MCF2L2: variants seen among roughly 807,000 people sequenced by gnomAD.
The protein encoded by MCF2L2 is probable guanine nucleotide exchange factor MCF2L2.
MCF2L2 carries 102 observed loss-of-function variants against 150.2 expected under a neutral mutation model. The ratio of observed to expected loss-of-function variants is 0.68; its 90% confidence interval spans 0.58 to 0.80. The LOEUF (loss-of-function observed/expected upper bound fraction) is 0.80, where lower values mean the gene tolerates loss of function less well. MCF2L2 is among the 30% of genes least tolerant of loss of function. MCF2L2 has a pLI of 0.00. For missense variants in MCF2L2, 1,256 were observed against 1,372.8 expected, an observed-to-expected ratio of 0.91 and a Z score of 1.34; for synonymous variants, 465 against 491.3, an observed-to-expected ratio of 0.95 and a Z score of 0.71.
rs1307091597 is a variant in MCF2L2 at position 183,289,105 on chromosome 3, T to C, written c.1776+15A>G. Reference sequence around the variant, plus strand: ...TTGTCAGGAAGTTCTATAAGTAAAATAAAGGTAATTTTACCTTGACTTCAA... The same window carrying C: ...TTGTCAGGAAGTTCTATAAGTAAAACAAAGGTAATTTTACCTTGACTTCAA... On this transcript the variant is annotated intron_variant, in intron 14 of 29. Transcript: ENST00000328913. 6.5e-7 allele frequency: 1 copy of C among 1,548,856 alleles called. No homozygotes were observed. The highest frequency in any genetic ancestry group is 1.4e-5 in the African/African-American group (1 of 73,650).
At chr3:183,383,478 G>A (rs946010060) in intron 2 of MCF2L2, among the ~76,000 whole-genome samples, 4 of 151,942 alleles carry the variant, frequency 2.6e-5, no homozygotes, top group South Asian at 4.1e-4. Context: ...CAGGTGATCC[G>A]CCCACCTCGG....
intron 15 of MCF2L2, chr3:183,254,499 C>A (rs1049558823): frequency 1.3e-5 from 2 of 152,134 alleles, no homozygotes; most frequent in Non-Finnish European, 2.9e-5. Context: ...CGCCCAGGTG[C>A]GGCAGGTAGG....
intron 3 of MCF2L2, among the ~76,000 whole-genome samples, chr3:183,365,312 T>C (rs6796739): frequency 0.31 from 47,797 of 151,928 alleles, 11,455 homozygotes; most frequent in African/African-American, 0.67. Context: ...GATCAACAAG[T>C]TTTTCTTTTC....
intron 1 of MCF2L2, among the ~76,000 whole-genome samples, chr3:183,407,953 G>A (rs1204575223): frequency 6.6e-6 from 1 of 152,148 alleles, no homozygotes; most frequent in Non-Finnish European, 1.5e-5. Flanking sequence ...TATGGGAGGT[G>A]CCAGTAAATT....
At chr3:183,312,463 A>G (rs1409581331) in intron 7 of MCF2L2, among the ~76,000 whole-genome samples, 1 of 152,206 alleles carries the variant, frequency 6.6e-6, no homozygotes, top group African/African-American at 2.4e-5. Flanking sequence ...AGCCTTACCC[A>G]TAAAGAAAGT....
chr3:183,203,517 G>A (rs1462216726), intron 25 of MCF2L2, among the ~76,000 whole-genome samples: 1 of 152,126 alleles, frequency 6.6e-6, no homozygotes, highest in Admixed American at 6.5e-5. Flanking sequence ...TCAGAAATAG[G>A]TCAATTGAAT....
intron 1 of MCF2L2, among the ~76,000 whole-genome samples, chr3:183,423,639 T>A (rs936065455): frequency 0.088 from 12,524 of 141,658 alleles, 581 homozygotes; most frequent in African/African-American, 0.1. Context: ...TTTGTTTTTT[T>A]TTTTTTTTTT....
At chr3:183,386,502 C>T (rs956670668) in intron 2 of MCF2L2, among the ~76,000 whole-genome samples, 2 of 152,248 alleles carry the variant, frequency 1.3e-5, no homozygotes, top group African/African-American at 4.8e-5. Context: ...AACACATGCA[C>T]AGTTCAGCAG....
Position 183,179,782 on chromosome 3 carries a change from A to C in MCF2L2, c.3106-90T>G, listed in dbSNP as rs1721453333. ...GGTGGTGACTCCCGCTGGCAGGCTG[A>C]GGCCCACCCCAGCCCTCCCACCTGG... On this transcript the variant is annotated intron_variant, in intron 28 of 29. Transcript: ENST00000328913. This position sits in a 1 kb window ranked among gnomAD's most constrained non-coding sequence, Gnocchi z 4.2. The C allele has an allele frequency of 3.8e-5, 45 of 1,176,410 alleles. No individual in the cohort carries two copies. In the South Asian group the frequency reaches 5.9e-4, roughly 15 times the overall value. The allele number at this position is 1,176,410 out of a possible 1,614,324, so 72.9% of individuals were successfully genotyped here. A position where few individuals can be genotyped will look rare whatever the true frequency, so the allele number is the denominator to read the frequency against.
intron 2 of MCF2L2, among the ~76,000 whole-genome samples, chr3:183,385,296 G>A (rs1015563981): frequency 2.0e-5 from 3 of 152,060 alleles, no homozygotes; most frequent in Admixed American, 1.3e-4. Context: ...TCTAGATGTC[G>A]CCCCTTGGTT....
intron 25 of MCF2L2, among the ~76,000 whole-genome samples, chr3:183,201,709 C>G (rs113441844): frequency 6.6e-6 from 1 of 152,160 alleles, no homozygotes; most frequent in South Asian, 2.1e-4. Context: ...TGCCAGGTTT[C>G]AAAGGGAATA....
At chr3:183,393,356 G>A (rs1318014950) in intron 1 of MCF2L2, among the ~76,000 whole-genome samples, 4 of 151,958 alleles carry the variant, frequency 2.6e-5, no homozygotes, top group Non-Finnish European at 5.9e-5. Flanking sequence ...ACCACGCCCG[G>A]CTAATTTTGT....
intron 15 of MCF2L2, among the ~76,000 whole-genome samples, chr3:183,248,029 G>T (rs1156383393): frequency 6.6e-6 from 1 of 152,208 alleles, no homozygotes; most frequent in East Asian, 1.9e-4. Flanking sequence ...GACCCACACT[G>T]CTTTCCCTGC....
chr3:183,230,921 C>A, intron 16 of MCF2L2, 30 bp downstream of exon 16: 1 of 1,544,418 alleles, frequency 6.5e-7, no homozygotes, highest in Non-Finnish European at 8.9e-7. Context: ...TGAATATATG[C>A]TTGATACCCC....
chr3:183,315,775 G>C (rs1295108525), intron 7 of MCF2L2, among the ~76,000 whole-genome samples: 1 of 152,072 alleles, frequency 6.6e-6, no homozygotes, highest in Non-Finnish European at 1.5e-5. Context: ...TGCCTTCCCT[G>C]TCCCCACCCC....
At chr3:183,323,586 G>A (rs537631023) in intron 5 of MCF2L2, among the ~76,000 whole-genome samples, 7 of 151,766 alleles carry the variant, frequency 4.6e-5, no homozygotes, top group Non-Finnish European at 8.8e-5. Context: ...GAGGCCTGGA[G>A]TTTGAGACCA....
At chr3:183,356,423 G>T (rs1340602957) in intron 3 of MCF2L2, among the ~76,000 whole-genome samples, 1 of 152,126 alleles carries the variant, frequency 6.6e-6, no homozygotes, top group Non-Finnish European at 1.5e-5. Flanking sequence ...TGAAGCAGGA[G>T]AATTGTTTGA....
At chr3:183,310,256 C>T (rs1178616116) in intron 9 of MCF2L2, among the ~76,000 whole-genome samples, 1 of 152,092 alleles carries the variant, frequency 6.6e-6, no homozygotes, top group African/African-American at 2.4e-5. Flanking sequence ...AATCCCAGCA[C>T]TTTGGGAGAC....
At chr3:183,331,421 A>G (rs1414062993) in intron 5 of MCF2L2, among the ~76,000 whole-genome samples, 3 of 152,110 alleles carry the variant, frequency 2.0e-5, no homozygotes, top group East Asian at 1.9e-4. Context: ...CAACTTTACC[A>G]TACGTGCATA....
Sources: allele counts gnomAD v4.1 joint callset (sites outside exome capture counted in the v4.1 genomes callset), GRCh38; gene constraint gnomAD v4.1.1; non-coding constraint Gnocchi (gnomAD v3.1); transcripts MANE v1.5; gene names NCBI Gene and HGNC (gene_info 2026-07-23, HGNC 2026-07-21).